The following CDK19 variants were observed in gnomAD, a reference collection of about 807,000 sequenced individuals.
CDK19 encodes the protein cyclin dependent kinase 19.
Under a neutral mutation model 68.3 loss-of-function variants are expected in CDK19, and 20 were observed. The observed-to-expected ratio is 0.29, with a 90% CI of 0.21 to 0.43. The LOEUF is 0.43. Ranked by LOEUF, CDK19 falls within the 20% of genes least tolerant of loss-of-function variation. The pLI is 1.00. For missense variants in CDK19, 339 were observed against 623.5 expected (o/e 0.54, Z 4.86); for synonymous variants, 221 against 222.8 (o/e 0.99, Z 0.07).
intron 1 of CDK19, among the ~76,000 whole-genome samples, chr6:110,778,541 T>G (rs1441457035): frequency 6.6e-6 from 1 of 152,248 alleles, no homozygotes; most frequent in Non-Finnish European, 1.5e-5. Context: ...AATTCTTGCA[T>G]TATTAACCAA....
intron 2 of CDK19, among the ~76,000 whole-genome samples, chr6:110,704,172 C>T (rs1052650849): frequency 4.6e-5 from 7 of 152,030 alleles, no homozygotes; most frequent in African/African-American, 1.7e-4. Flanking sequence ...ACAGATAACT[C>T]CAAAATGACT....
At chr6:110,723,838 T>C (rs1168678570) in intron 2 of CDK19, among the ~76,000 whole-genome samples, 1 of 152,160 alleles carries the variant, frequency 6.6e-6, no homozygotes. Context: ...ATTAGAATAT[T>C]CTCATCGCTT....
chr6:110,692,679 T>C (rs1010798615), intron 2 of CDK19, among the ~76,000 whole-genome samples: 10 of 152,090 alleles, frequency 6.6e-5, no homozygotes, highest in African/African-American at 2.2e-4. Flanking sequence ...CATAAAGGCA[T>C]ATAGTCGGTC....
chr6:110,716,819 T>C (rs9386940), intron 2 of CDK19, among the ~76,000 whole-genome samples: 23,840 of 152,122 alleles, frequency 0.16, 2,084 homozygotes, highest in East Asian at 0.32. Flanking sequence ...GATCCAGTGG[T>C]CCAGTGATTG....
chr6:110,737,982 C>G (rs941881182), intron 2 of CDK19, among the ~76,000 whole-genome samples: 1 of 152,078 alleles, frequency 6.6e-6, no homozygotes, highest in Non-Finnish European at 1.5e-5. Context: ...TCTCTTAACA[C>G]CATACCAAAT....
chr6:110,731,137 AAAAAG>A (rs560697495), intron 2 of CDK19, among the ~76,000 whole-genome samples: 79 of 124,986 alleles, frequency 6.3e-4, no homozygotes, highest in South Asian at 5.5e-3. Context: ...AAAGAAAAGA[AAAAAG>A]AAAAGAAAAG....
At chr6:110,618,190 G>A (rs1485915915) in intron 12 of CDK19, among the ~76,000 whole-genome samples, 3 of 152,102 alleles carry the variant, frequency 2.0e-5, no homozygotes, top group Non-Finnish European at 4.4e-5. Flanking sequence ...CTGGAGTGCA[G>A]TGGCGCGATC....
chr6:110,666,414 G>C (rs1350995804), intron 4 of CDK19, among the ~76,000 whole-genome samples: 9 of 101,654 alleles, frequency 8.9e-5, no homozygotes, highest in Non-Finnish European at 5.3e-5. Context: ...GACAGAGAGA[G>C]ACTCTGTCTC....
intron 2 of CDK19, among the ~76,000 whole-genome samples, chr6:110,710,556 C>T (rs1382288851): frequency 6.6e-6 from 1 of 152,182 alleles, no homozygotes; most frequent in East Asian, 1.9e-4. Flanking sequence ...ATTTATTTCT[C>T]ACATTTCTGT....
At chr6:110,769,211 T>G (rs575737853) in intron 1 of CDK19, among the ~76,000 whole-genome samples, 1 of 142,764 alleles carries the variant, frequency 7.0e-6, no homozygotes, top group African/African-American at 2.6e-5. Flanking sequence ...TTAACAATAA[T>G]GCAACGATAC....
chr6:110,700,350 C>T lies in CDK19; in HGVS notation c.205-29809G>A, dbSNP rs1158061949. Among the ~76,000 whole-genome samples, 5 of 152,222 alleles carry T rather than the reference C, an allele frequency of 3.3e-5. No individual in the cohort carries two copies. In the East Asian group the frequency reaches 7.7e-4, roughly 23 times the overall value. ...CATCCAGAAAGCATCCCCCGAACCC[C>T]GGTATGTGAAAAAATTGTCTCCACA... On this transcript the variant is annotated intron_variant, in intron 2 of 12. Coordinates refer to ENST00000368911, the MANE Select transcript of CDK19 (RefSeq NM_015076.5).
At chr6:110,812,374 G>A (rs933942867) in intron 1 of CDK19, among the ~76,000 whole-genome samples, 8 of 152,000 alleles carry the variant, frequency 5.3e-5, no homozygotes, top group South Asian at 2.1e-4. Context: ...CACCCGCCTC[G>A]GCCTCCCAAA....
chr6:110,638,836 C>A, intron 4 of CDK19, 130 bp from the exon 5 acceptor site: 2 of 604,110 alleles, frequency 3.3e-6, no homozygotes, highest in South Asian at 4.2e-5. Flanking sequence ...ATATTAAGCA[C>A]CCTCTACATA....
At chr6:110,699,893 G>T (rs9487493) in intron 2 of CDK19, among the ~76,000 whole-genome samples, 2,122 of 152,256 alleles carry the variant, frequency 0.014, 53 homozygotes, top group African/African-American at 0.049. Flanking sequence ...TACAGCAGGG[G>T]TCCCTAACCC....
rs1032990965 is a variant in CDK19, at chr6:110,638,665, C to T, written c.498G>A (p.Arg166=). 43 of 1,534,576 alleles carry T rather than the reference C, an allele frequency of 2.8e-5. No homozygotes were observed. The highest frequency in any genetic ancestry group is 3.7e-5 in the Non-Finnish European group (41 of 1,111,082). Residue 166 remains arginine, a synonymous_variant, in exon 5 of 13, where the codon AGG becomes AGA. Transcript: ENST00000368911. ...ATTACCTACCTATTTTGACTCTCCC[C>T]CTCTCAGGACCTTCTCCCATTACTA... ...NILVMGEGPE[R]GRVKIADMGF...
intron 2 of CDK19, among the ~76,000 whole-genome samples, chr6:110,726,385 T>C (rs115483040): frequency 0.012 from 1,883 of 152,248 alleles, 35 homozygotes; most frequent in African/African-American, 0.043. Flanking sequence ...TGAAACACTA[T>C]CTCTATTCAT....
chr6:110,765,909 C>T (rs978299357), intron 1 of CDK19, among the ~76,000 whole-genome samples: 1 of 152,116 alleles, frequency 6.6e-6, no homozygotes, highest in Non-Finnish European at 1.5e-5. Flanking sequence ...TATCATCTCA[C>T]ACCAGTTTAA....
chr6:110,754,114 C>T (rs1398160441), intron 1 of CDK19, among the ~76,000 whole-genome samples: 2 of 151,646 alleles, frequency 1.3e-5, no homozygotes, highest in Non-Finnish European at 2.9e-5. Context: ...ACTGCAGCCT[C>T]AACCTCCCAG....
chr6:110,627,991 CT>C (rs1223702177), intron 6 of CDK19, among the ~76,000 whole-genome samples: 4 of 152,100 alleles, frequency 2.6e-5, no homozygotes, highest in Admixed American at 6.6e-5. Context: ...GGGCGGATCA[CT>C]TGAGGTCAGG....
Sources: allele counts gnomAD v4.1 joint callset (sites outside exome capture counted in the v4.1 genomes callset), GRCh38; gene constraint gnomAD v4.1.1; transcripts MANE v1.5; gene names NCBI Gene and HGNC (gene_info 2026-07-23, HGNC 2026-07-21).